DIDO1: variants seen among roughly 807,000 people sequenced by gnomAD.
DIDO1 encodes death-inducer obliterator 1.
DIDO1 carries 16 observed loss-of-function variants against 99.4 expected under a neutral mutation model. That is an observed-to-expected ratio of 0.16 (90% CI 0.11 to 0.24). The LOEUF is 0.24. Ranked by LOEUF, DIDO1 falls within the 10% of genes least tolerant of loss-of-function variation. The pLI, the probability that DIDO1 is intolerant of heterozygous loss-of-function variation, is 1.00. For missense variants in DIDO1, 2,996 were observed against 3,014.0 expected (o/e 0.99, Z 0.14); for synonymous variants, 1,366 against 1,239.1 (o/e 1.10, Z -2.15).
upstream of DIDO1, chr20:62,929,335 G>GGA (rs1199952944): frequency 1.3e-5 from 2 of 152,324 alleles, no homozygotes; most frequent in African/African-American, 4.8e-5. Context: ...GCGGGGGAGG[G>GGA]GCACGGGGAG....
Position 62,890,671 on chromosome 20 carries a change from G to C in DIDO1, c.3541+289C>G, listed in dbSNP as rs533650262. 9.4e-6 allele frequency: 12 copies of C among 1,270,598 alleles called. No individual in the cohort carries two copies. The African/African-American group carries it at 1.8e-4, about 19-fold the overall frequency. 78.7% of individuals were successfully genotyped at this position (1,270,598 alleles called of 1,614,324 possible). A position where few individuals can be genotyped will look rare whatever the true frequency, so the allele number is the denominator to read the frequency against. Reference sequence around the variant, plus strand: ...TTTCTGGCTGAGCCTTGGGCTTCTGGGCACTGAGTCTTCTCTGACCTGAGG... The same window carrying C: ...TTTCTGGCTGAGCCTTGGGCTTCTGCGCACTGAGTCTTCTCTGACCTGAGG... On this transcript the variant is annotated intron_variant, in intron 15 of 15. Transcript: ENST00000395343.
chr20:62,880,504 G>A lies in DIDO1; in HGVS notation c.5452C>T (p.Pro1818Ser), dbSNP rs774425979. ...GGGCCTCTGCTGTCCCCATAAGGAG[G>A]TGGCCCATGTTGCCCCGAGAATAAG... ...PSLFSGQHGP[P>S]PYGDSRGPSP... Residue 1818 changes from proline (P) to serine (S), a missense_variant, in exon 16 of 16, where the codon CCT becomes TCT. Pro to Ser is a moderately conservative substitution (Grantham distance 74, BLOSUM62 -1). Around this residue, in one of 5 missense-constraint regions of DIDO1, gnomAD observed 1,562 missense variants for 1,412.6 expected, o/e 1.11. Coordinates refer to ENST00000395343, the MANE Select transcript of DIDO1 (RefSeq NM_001193369.2). 17 of 1,612,864 alleles carry A rather than the reference G, an allele frequency of 1.1e-5. No individual in the cohort carries two copies. Among genetic ancestry groups the A allele is most frequent in the Middle Eastern group, 3.3e-4 (2 of 6,082 alleles).
intron 6 of DIDO1, among the ~76,000 whole-genome samples, chr20:62,903,421 C>G (rs892764605): frequency 6.6e-6 from 1 of 152,184 alleles, no homozygotes; most frequent in Non-Finnish European, 1.5e-5. Flanking sequence ...TGTGAGTCAG[C>G]TCATGGGACA....
Position 62,880,665 on chromosome 20 carries a change from G to A in DIDO1, c.5291C>T (p.Ser1764Leu), listed in dbSNP as rs1386537405. The change falls in exon 16 of 16, where the codon TCA becomes TTA. Residue 1764 changes from serine to leucine, a missense_variant. By Grantham distance (145) the Ser-to-Leu change is moderately radical. Around this residue, in one of 5 missense-constraint regions of DIDO1, gnomAD observed 1,562 missense variants for 1,412.6 expected, o/e 1.11. Coordinates refer to ENST00000395343, the MANE Select transcript of DIDO1 (RefSeq NM_001193369.2). ...CGGGAAATTGGGGCCGTGAAGCCCT[G>A]ACATCCCCAAAGCATGAGGTCCAGG... ...REPGPHALGM[S>L]GLHGPNFPGP... 2 of 1,612,818 alleles carry A rather than the reference G, an allele frequency of 1.2e-6. No individual in the cohort carries two copies. The highest frequency in any genetic ancestry group is 1.3e-5 in the African/African-American group (1 of 75,078).
chr20:62,929,751 CTGTTT>C (rs2065310713), upstream of DIDO1, among the ~76,000 whole-genome samples: 1 of 102,488 alleles, frequency 9.8e-6, no homozygotes. Context: ...ACTTCAGCCA[CTGTTT>C]TGTTTTTTTT....
At chr20:62,897,571 C>T (rs780023444) in intron 6 of DIDO1, among the ~76,000 whole-genome samples, 5 of 152,172 alleles carry the variant, frequency 3.3e-5, no homozygotes, top group East Asian at 1.9e-4. Flanking sequence ...CACACCTTTA[C>T]GTGAAGAGTG....
intron 1 of DIDO1, among the ~76,000 whole-genome samples, chr20:62,925,948 G>A (rs2065243961): frequency 6.6e-6 from 1 of 152,190 alleles, no homozygotes; most frequent in South Asian, 2.1e-4. Flanking sequence ...CCGAAGGCAC[G>A]CCAGAAGCTA....
Position 62,881,286 on chromosome 20 carries a change from T to C in DIDO1, c.4670A>G (p.His1557Arg). Residue 1557 changes from histidine to arginine, a missense_variant, in exon 16 of 16, where the codon CAC becomes CGC. This residue lies in a region of DIDO1 where 1,562 missense variants were observed against 1,412.6 expected (regional missense o/e 1.11). Coordinates refer to ENST00000395343, the MANE Select transcript of DIDO1 (RefSeq NM_001193369.2). This position sits in a 1 kb window ranked among gnomAD's most constrained non-coding sequence, Gnocchi z 8.3. ...SLPPASQASN[H>R]RDPRQARRLA... ...GCGCCTCGCCTGCCGGGGGTCCCTG[T>C]GGTTTGACGCCTGGCTGGCGGGGGG... 6.2e-7 allele frequency: 1 copy of C among 1,604,768 alleles called. No individual in the cohort carries two copies. The highest frequency in any genetic ancestry group is 8.5e-7 in the Non-Finnish European group (1 of 1,179,558).
rs748753406 is a variant in DIDO1, at chr20:62,881,023, C to G, written c.4933G>C (p.Ala1645Pro). The change falls in exon 16 of 16, where the codon GCC (alanine) becomes CCC (proline). Residue 1645 changes from alanine to proline, a missense_variant. Physicochemically the swap from Ala to Pro is conservative, Grantham distance 27. Coordinates refer to ENST00000395343, the MANE Select transcript of DIDO1 (RefSeq NM_001193369.2). The surrounding 1 kb of genome is among the most constrained non-coding windows in gnomAD (Gnocchi z 8.3). ...CTGGCCGAGCTGTCTCCAACCGTGGCGGGGCGGGTGCCCTCCCCAGGCTCT... is the reference window on the plus strand; with the variant it reads ...CTGGCCGAGCTGTCTCCAACCGTGGGGGGGCGGGTGCCCTCCCCAGGCTCT... Reference protein sequence around the residue: ...KAEPGEGTRPATVGDSSARPA... With the variant: ...KAEPGEGTRPPTVGDSSARPA... The G allele has an allele frequency of 3.1e-6, 5 of 1,604,206 alleles. No individual in the cohort carries two copies. In the African/African-American group the frequency reaches 6.7e-5, roughly 21 times the overall value.
In DIDO1 at chr20:62,895,111, G is replaced by A. The variant is rs757783883; in HGVS notation, c.2269C>T (p.Leu757=). ...EEISLAKLVR[L]KPEELVSKEL... is the part of the protein sequence containing the mutation. ...TTAGATACAAGTTCTTCTGGCTTCA[G>A]TCTCACAAGTTTCGCCAAAGAGATT... Residue 757 remains leucine, a synonymous_variant, in exon 9 of 16, where the codon CTG becomes TTG. Coordinates refer to ENST00000395343, the MANE Select transcript of DIDO1 (RefSeq NM_001193369.2). 14 of 1,612,218 alleles carry A rather than the reference G, an allele frequency of 8.7e-6. No homozygotes were observed. Among genetic ancestry groups the A allele is most frequent in the Non-Finnish European group, 1.1e-5 (13 of 1,178,514 alleles).
Position 62,911,310 on chromosome 20 carries a change from G to C in DIDO1, c.303C>G (p.Ser101=), listed in dbSNP as rs777998880. The change falls in exon 3 of 16, where the codon TCC becomes TCG. Residue 101 remains serine, a synonymous_variant. Coordinates refer to ENST00000395343, the MANE Select transcript of DIDO1 (RefSeq NM_001193369.2). The surrounding 1 kb of genome is among the most constrained non-coding windows in gnomAD (Gnocchi z 7.0). The stretch of plus-strand genomic sequence containing the variant: ...CTGTCTCGGCGTCTGTGGCGGGGCA[G>C]GACGTGGGCTCACCAGAATCCTCCA... ...VSLEDSGEPT[S]CPATDAETAS... is the part of the protein sequence containing the mutation. 2 of 1,608,932 alleles carry C rather than the reference G, an allele frequency of 1.2e-6. No homozygotes were observed. The highest frequency in any genetic ancestry group is 2.2e-5 in the East Asian group (1 of 44,878).
intron 4 of DIDO1, 107 bp downstream of exon 4, chr20:62,909,592 G>A (rs550493701): frequency 1.2e-5 from 16 of 1,383,682 alleles, no homozygotes; most frequent in South Asian, 6.8e-5. Context: ...GAGAGGCACC[G>A]CCCCACATGG....
intron 15 of DIDO1, chr20:62,888,173 G>A (rs1176810865): frequency 5.1e-6 from 5 of 985,422 alleles, no homozygotes; most frequent in East Asian, 1.1e-4. Flanking sequence ...CACTGAGGGG[G>A]CTAGGACTGG....
In DIDO1 at chr20:62,881,164, C is replaced by T. The variant is rs2064197438; in HGVS notation, c.4792G>A (p.Gly1598Ser). ...GALPERDASR[G>S]GLVGQAPMPV... is the part of the protein sequence containing the mutation. ...ATGGGCGCCTGGCCCACGAGGCCAC[C>T]CCTGGAAGCATCTCTCTCGGGCAGG... Residue 1598 changes from glycine (G) to serine (S), a missense_variant, in exon 16 of 16, where the codon GGT (glycine) becomes AGT (serine). Coordinates refer to ENST00000395343, the MANE Select transcript of DIDO1 (RefSeq NM_001193369.2). The surrounding 1 kb of genome is among the most constrained non-coding windows in gnomAD (Gnocchi z 8.3). 1 of 1,608,812 alleles carries T rather than the reference C, an allele frequency of 6.2e-7. No homozygotes were observed. Among genetic ancestry groups the T allele is most frequent in the East Asian group, 2.2e-5 (1 of 44,856 alleles).
chr20:62,895,237 C>CA, intron 8 of DIDO1, 72 bp from the exon 9 acceptor site: 1 of 1,401,686 alleles, frequency 7.1e-7, no homozygotes, highest in Non-Finnish European at 1.0e-6. Flanking sequence ...TTCTGGAAAA[C>CA]ACAGCTGCCC....
intron 1 of DIDO1, among the ~76,000 whole-genome samples, chr20:62,933,351 C>A (rs2147612606): frequency 6.6e-6 from 1 of 152,326 alleles, no homozygotes; most frequent in East Asian, 1.9e-4. Flanking sequence ...GTGTTTCCTA[C>A]CTACTTCTGC....
At chr20:62,887,479 C>G in intron 15 of DIDO1, 2 of 985,464 alleles carry the variant, frequency 2.0e-6, no homozygotes, top group Non-Finnish European at 2.4e-6. Context: ...GAGAAAAGAG[C>G]CCTTTCCATT....
At position 62,909,906 on chromosome 20, in the gene DIDO1, G is replaced by T; in HGVS notation, c.954C>A (p.Asn318Lys). 1 of 1,614,190 alleles carries T rather than the reference G, an allele frequency of 6.2e-7. No individual in the cohort carries two copies. The highest frequency in any genetic ancestry group is 8.5e-7 in the Non-Finnish European group (1 of 1,180,044). Reference protein sequence around the residue: ...ERNGEDYICPNCTILQVQDET... With the variant: ...ERNGEDYICPKCTILQVQDET... Reference sequence around the variant, plus strand: ...CATCCTGCACTTGCAGAATGGTGCAGTTTGGGCAGATATAGTCTTCCCCAT... The same window carrying T: ...CATCCTGCACTTGCAGAATGGTGCATTTTGGGCAGATATAGTCTTCCCCAT... The change falls in exon 4 of 16, where the codon AAC becomes AAA. Residue 318 changes from asparagine to lysine, a missense_variant. Coordinates refer to ENST00000395343, the MANE Select transcript of DIDO1 (RefSeq NM_001193369.2).
rs773618985 is a variant in DIDO1, at chr20:62,911,217, C to G, written c.396G>C (p.Val132=). Reference sequence around the variant, plus strand: ...TTTCAGAAGAGGCTGGTCGTTCCTTCACAGCTGTGGAAGCAGACTGGGGGC... The same window carrying G: ...TTTCAGAAGAGGCTGGTCGTTCCTTGACAGCTGTGGAAGCAGACTGGGGGC... ...RSGPQSASTA[V]KERPASSEKV... is the part of the protein sequence containing the mutation. The change falls in exon 3 of 16, where the codon GTG becomes GTC. Residue 132 remains valine (V), a synonymous_variant. Coordinates refer to ENST00000395343, the MANE Select transcript of DIDO1 (RefSeq NM_001193369.2). The surrounding 1 kb of genome is among the most constrained non-coding windows in gnomAD (Gnocchi z 7.0). 1 of 1,613,720 alleles carries G rather than the reference C, an allele frequency of 6.2e-7. No individual in the cohort carries two copies. Among genetic ancestry groups the G allele is most frequent in the Admixed American group, 1.7e-5 (1 of 60,030 alleles).
Sources: allele counts gnomAD v4.1 joint callset (sites outside exome capture counted in the v4.1 genomes callset), GRCh38; gene constraint gnomAD v4.1.1; regional missense constraint gnomAD v4.1.1; non-coding constraint Gnocchi (gnomAD v3.1); transcripts MANE v1.5; gene names NCBI Gene and HGNC (gene_info 2026-07-23, HGNC 2026-07-21).